Variants in PHACTR1 observed in about 807,000 individuals in gnomAD.
PHACTR1 encodes RPEL repeat containing 1.
Under a neutral mutation model 69.2 loss-of-function variants are expected in PHACTR1, and 16 were observed. The ratio of observed to expected loss-of-function variants is 0.23; its 90% CI spans 0.16 to 0.35. PHACTR1 has a LOEUF of 0.35. Ranked by LOEUF, PHACTR1 falls within the 10% of genes least tolerant of loss-of-function variation. The pLI is 1.00. For missense variants in PHACTR1, 510 were observed against 734.7 expected, an observed-to-expected ratio of 0.69 and a Z score of 3.54; for synonymous variants, 312 against 284.5, an observed-to-expected ratio of 1.10 and a Z score of -0.97.
chr6:13,238,226 T>C (rs1356428618), intron 10 of PHACTR1, among the ~76,000 whole-genome samples: 1 of 151,770 alleles, frequency 6.6e-6, no homozygotes, highest in Admixed American at 6.6e-5. Flanking sequence ...CGCTGATAGC[T>C]TCAATCTACA....
At chr6:12,775,910 T>TAATAATAAATAATG (rs1343534625) in intron 4 of PHACTR1, among the ~76,000 whole-genome samples, 6 of 152,210 alleles carry the variant, frequency 3.9e-5, no homozygotes, top group Non-Finnish European at 7.3e-5. Flanking sequence ...TTACTTTATT[T>TAATAATAAATAATG]AATAATGATT....
intron 7 of PHACTR1, among the ~76,000 whole-genome samples, chr6:13,190,255 G>A (rs548794520): frequency 5.7e-5 from 8 of 139,690 alleles, no homozygotes; most frequent in Middle Eastern, 4.1e-3. Context: ...GGCTGGTCTC[G>A]AACTCCTGGC....
intron 4 of PHACTR1, among the ~76,000 whole-genome samples, chr6:12,975,451 T>C (rs956829783): frequency 9.9e-5 from 15 of 152,228 alleles, no homozygotes; most frequent in African/African-American, 3.6e-4. Flanking sequence ...TTTTTTTCTC[T>C]ATATCCATTC....
chr6:12,965,280 A>T (rs1329953350), intron 4 of PHACTR1, among the ~76,000 whole-genome samples: 1 of 152,100 alleles, frequency 6.6e-6, no homozygotes, highest in Non-Finnish European at 1.5e-5. Context: ...TTGCCTACTC[A>T]CTAGAATGTA....
intron 7 of PHACTR1, among the ~76,000 whole-genome samples, chr6:13,200,618 A>G (rs943392687): frequency 2.6e-5 from 4 of 152,092 alleles, no homozygotes; most frequent in African/African-American, 4.8e-5. Context: ...AGAGGCCAAG[A>G]GTTATTTTTG....
At chr6:12,959,907 G>A (rs1256646576) in intron 4 of PHACTR1, among the ~76,000 whole-genome samples, 3 of 152,186 alleles carry the variant, frequency 2.0e-5, no homozygotes, top group Non-Finnish European at 4.4e-5. Context: ...TGCTTTCAGT[G>A]TGAGAAACAG....
At chr6:12,751,268 G>A (rs1410382439) in intron 4 of PHACTR1, among the ~76,000 whole-genome samples, 2 of 152,286 alleles carry the variant, frequency 1.3e-5, no homozygotes, top group East Asian at 3.9e-4. Flanking sequence ...TCTGACTTTG[G>A]AGCTGAAGAC....
At chr6:12,949,529 C>G (rs1046218863) in intron 4 of PHACTR1, among the ~76,000 whole-genome samples, 145 of 152,034 alleles carry the variant, frequency 9.5e-4, no homozygotes, top group African/African-American at 3.3e-3. Context: ...AGGTGAGTCT[C>G]TGGAGGCAAC....
At chr6:12,780,311 G>T (rs1383784783) in intron 4 of PHACTR1, among the ~76,000 whole-genome samples, 1 of 151,668 alleles carries the variant, frequency 6.6e-6, no homozygotes, top group Non-Finnish European at 1.5e-5. Flanking sequence ...CCATTCCATT[G>T]TGTGTGCGTG....
At chr6:12,728,467 C>T (rs1187309693) in intron 3 of PHACTR1, among the ~76,000 whole-genome samples, 1 of 151,928 alleles carries the variant, frequency 6.6e-6, no homozygotes, top group Non-Finnish European at 1.5e-5. Flanking sequence ...GATAGTTTCC[C>T]ATATTAGCTT....
At chr6:12,937,397 G>A (rs893403832) in intron 4 of PHACTR1, among the ~76,000 whole-genome samples, 7 of 151,772 alleles carry the variant, frequency 4.6e-5, no homozygotes, top group African/African-American at 1.7e-4. Context: ...TTGCCCAGCT[G>A]GAGTGCAATG....
rs575577542 is a variant in PHACTR1 at position 13,131,167 on chromosome 6, A to G, written c.416-29037A>G. Among the ~76,000 whole-genome samples, 52 of 133,404 alleles carry G rather than the reference A, an allele frequency of 3.9e-4. 1 individual carries two copies. The highest frequency in any genetic ancestry group is 3.8e-3 in the Admixed American group (47 of 12,338). 87.5% of individuals were successfully genotyped at this position (133,404 alleles called of 152,430 possible). ...TATATACACATATATATGTATATAT[A>G]TGTGTGTATATACACACACACACAC... On this transcript the variant is annotated intron_variant, in intron 5 of 14. Transcript: ENST00000332995.
chr6:13,201,257 G>A lies in PHACTR1; in HGVS notation c.665-4558G>A, dbSNP rs373320149. Among the ~76,000 whole-genome samples the A allele has an allele frequency of 9.8e-5, 15 of 152,340 alleles. No individual in the cohort carries two copies. In the South Asian group the frequency reaches 2.9e-3, roughly 29 times the overall value. Reference sequence around the variant, plus strand: ...ACCACCAGGGTTGTAGGAGTTAAGGGAGGAAAGGCTGCCAGAGGAAAGCGG... The same window carrying A: ...ACCACCAGGGTTGTAGGAGTTAAGGAAGGAAAGGCTGCCAGAGGAAAGCGG... On this transcript the variant is annotated intron_variant, in intron 7 of 14. Transcript: ENST00000332995.
intron 4 of PHACTR1, among the ~76,000 whole-genome samples, chr6:13,017,990 A>G (rs1012819683): frequency 2.6e-5 from 4 of 152,220 alleles, no homozygotes; most frequent in Non-Finnish European, 5.9e-5. Flanking sequence ...AAACATTTAT[A>G]TAGAAATTTA....
intron 4 of PHACTR1, among the ~76,000 whole-genome samples, chr6:13,020,917 A>C (rs1800874462): frequency 6.6e-6 from 1 of 152,140 alleles, no homozygotes; most frequent in African/African-American, 2.4e-5. Context: ...CCACATACCA[A>C]GGGCCTGGGA....
chr6:12,752,819 C>A (rs1766790982), intron 4 of PHACTR1, among the ~76,000 whole-genome samples: 1 of 152,142 alleles, frequency 6.6e-6, no homozygotes. Flanking sequence ...AAGAATAGCA[C>A]CAAAATGTGG....
At chr6:12,978,090 T>C (rs906363517) in intron 4 of PHACTR1, among the ~76,000 whole-genome samples, 1 of 152,226 alleles carries the variant, frequency 6.6e-6, no homozygotes, top group African/African-American at 2.4e-5. Flanking sequence ...GCATCCTGCA[T>C]GATATTTCCT....
intron 5 of PHACTR1, among the ~76,000 whole-genome samples, chr6:13,151,062 G>T (rs1174072326): frequency 1.3e-5 from 2 of 152,206 alleles, no homozygotes; most frequent in Non-Finnish European, 2.9e-5. Flanking sequence ...TAGATTTCTA[G>T]CCTAAAAAGT....
At chr6:13,026,851 A>G (rs1033799188) in intron 4 of PHACTR1, among the ~76,000 whole-genome samples, 2 of 152,122 alleles carry the variant, frequency 1.3e-5, no homozygotes, top group African/African-American at 4.8e-5. Flanking sequence ...CTAAAGATCA[A>G]TGTCCTGAAG....
Sources: gnomAD v4.1 joint callset for allele counts (sites outside exome capture counted in the v4.1 genomes callset) on GRCh38, gnomAD v4.1.1 for gene constraint, MANE v1.5 for transcripts, NCBI Gene and HGNC (gene_info 2026-07-23, HGNC 2026-07-21) for gene names.